Variants in USP4 observed in about 807,000 individuals in gnomAD.
The protein encoded by USP4 is ubiquitin specific peptidase 4, also known as ubiquitin carboxyl-terminal hydrolase 4.
In USP4, 72 loss-of-function variants were observed where a neutral mutation model predicts 118.2. That is an observed-to-expected ratio of 0.61 (90% CI 0.50 to 0.74). The LOEUF (loss-of-function observed/expected upper bound fraction) is 0.74, where lower values mean the gene tolerates loss of function less well. Among genes scored for constraint, USP4 ranks in the 30% least tolerant of loss-of-function variants. The pLI is 0.00. For missense variants in USP4, 1,037 were observed against 1,185.7 expected, an observed-to-expected ratio of 0.87 and a Z score of 1.84; for synonymous variants, 415 against 440.4, an observed-to-expected ratio of 0.94 and a Z score of 0.72.
intron 15 of USP4, among the ~76,000 whole-genome samples, chr3:49,288,823 G>A (rs1158928996): frequency 6.6e-6 from 1 of 151,844 alleles, no homozygotes; most frequent in African/African-American, 2.4e-5. Flanking sequence ...AATGCTTTGT[G>A]GTTATGCCGG....
intron 14 of USP4, 133 bp from the exon 15 acceptor site, chr3:49,292,731 T>C (rs1430106253): frequency 3.3e-6 from 2 of 610,860 alleles, no homozygotes; most frequent in African/African-American, 3.8e-5. Flanking sequence ...TTTATGTAAA[T>C]AGAAGTGCTT....
chr3:49,323,923 C>T (rs992694846), intron 6 of USP4, among the ~76,000 whole-genome samples: 1 of 152,134 alleles, frequency 6.6e-6, no homozygotes, highest in Non-Finnish European at 1.5e-5. Flanking sequence ...GAACAATTCA[C>T]CCAGCAAGCT....
chr3:49,318,016 A>C (rs751416215), intron 6 of USP4, among the ~76,000 whole-genome samples: 1 of 150,862 alleles, frequency 6.6e-6, no homozygotes, highest in Non-Finnish European at 1.5e-5. Context: ...TTGCATTTTT[A>C]GTAGAGACAG....
chr3:49,312,885 CTTT>C (rs906734016), intron 6 of USP4: 1 of 140,892 alleles, frequency 7.1e-6, no homozygotes, highest in South Asian at 2.3e-4. Context: ...CATTTTTTTT[CTTT>C]TTTTTTTTCT....
intron 15 of USP4, among the ~76,000 whole-genome samples, chr3:49,287,280 A>G (rs2047105247): frequency 6.6e-6 from 1 of 151,426 alleles, no homozygotes; most frequent in Admixed American, 6.6e-5. Flanking sequence ...TCAGCCTCCC[A>G]AGTAGCTGGG....
At chr3:49,280,081 G>A (rs544352951) in intron 20 of USP4, among the ~76,000 whole-genome samples, 2 of 152,210 alleles carry the variant, frequency 1.3e-5, no homozygotes, top group South Asian at 4.2e-4. Flanking sequence ...TGGGCAACAT[G>A]CCAAAACCCT....
chr3:49,301,423 G>A (rs779326179), intron 10 of USP4, among the ~76,000 whole-genome samples: 2 of 152,104 alleles, frequency 1.3e-5, no homozygotes, highest in Non-Finnish European at 2.9e-5. Context: ...CACGGTGGCT[G>A]ACGCCTGAAA....
intron 19 of USP4, among the ~76,000 whole-genome samples, chr3:49,281,405 A>G (rs1032530618): frequency 8.6e-5 from 13 of 150,986 alleles, no homozygotes; most frequent in South Asian, 2.1e-4. Context: ...GCAGTGAGCC[A>G]AGATCGCACT....
chr3:49,317,121 T>C, intron 6 of USP4: 2 of 1,373,714 alleles, frequency 1.5e-6, no homozygotes, highest in East Asian at 4.6e-5. Flanking sequence ...GGTCTGAGGC[T>C]GTAGCCTTGG....
chr3:49,292,086 C>T (rs2047157694), intron 15 of USP4, among the ~76,000 whole-genome samples: 1 of 152,018 alleles, frequency 6.6e-6, no homozygotes, highest in African/African-American at 2.4e-5. Context: ...GGATTACAGG[C>T]GTGAGCCACC....
intron 19 of USP4, 52 bp from the exon 20 acceptor site, chr3:49,280,899 T>C: frequency 6.6e-7 from 1 of 1,507,274 alleles, no homozygotes; most frequent in Non-Finnish European, 9.2e-7. Context: ...CCAAACAAAG[T>C]AGTTAAGAGT....
Position 49,325,755 on chromosome 3 carries a change from C to T in USP4, c.451G>A (p.Val151Met), listed in dbSNP as rs1417318181. 1.2e-6 allele frequency: 2 copies of T among 1,613,886 alleles called. No homozygotes were observed. The highest frequency in any genetic ancestry group is 1.7e-6 in the Non-Finnish European group (2 of 1,179,954). ...KLCENSDPTN[V>M]LSCHFSKADT... ...GCCTTGCTGAAATGGCAACTCAGCA[C>T]ATTGGTGGGGTCACTGTTCTCACAG... The change falls in exon 4 of 22, where the codon GTG becomes ATG. Residue 151 changes from valine to methionine, a missense_variant. Val to Met is a conservative substitution (Grantham distance 21). Around this residue, in one of 3 missense-constraint regions of USP4, gnomAD observed 487 missense variants for 534.1 expected, o/e 0.91. Transcript: ENST00000265560.
In USP4 at chr3:49,324,755, T is replaced by G; in HGVS notation, c.642A>C (p.Val214=). The G allele has an allele frequency of 6.2e-7, 1 of 1,614,222 alleles. No individual in the cohort carries two copies. Among genetic ancestry groups the G allele is most frequent in the Non-Finnish European group, 8.5e-7 (1 of 1,180,022 alleles). Residue 214 remains valine (V), a synonymous_variant, in exon 6 of 22, where the codon GTA becomes GTC. Coordinates refer to ENST00000265560, the MANE Select transcript of USP4 (RefSeq NM_003363.4). ...TGCCATCTTCATTTTGAGGCTCAAT[T>G]ACTAGCACCTGAGTGAAAGGGGAAA... ...DAGLYQGQVL[V]IEPQNEDGTW... is the part of the protein sequence containing the mutation.
At chr3:49,319,190 T>A (rs2047473260) in intron 6 of USP4, among the ~76,000 whole-genome samples, 1 of 152,048 alleles carries the variant, frequency 6.6e-6, no homozygotes, top group Non-Finnish European at 1.5e-5. Context: ...TGGTAGGTTT[T>A]AAAAAAGTTA....
Position 49,324,775 on chromosome 3 carries a change from G to A in USP4, c.634-12C>T, listed in dbSNP as rs772970245. The A allele has an allele frequency of 6.2e-7, 1 of 1,614,118 alleles. No individual in the cohort carries two copies. Among genetic ancestry groups the A allele is most frequent in the Non-Finnish European group, 8.5e-7 (1 of 1,179,988 alleles). ...TCAATTACTAGCACCTGAGTGAAAGGGGAAACCAAATGAGGAGAGTTCAAA... is the reference window on the plus strand; with the variant it reads ...TCAATTACTAGCACCTGAGTGAAAGAGGAAACCAAATGAGGAGAGTTCAAA... On this transcript the variant is annotated splice_polypyrimidine_tract_variant and intron_variant, in intron 5 of 21. Transcript: ENST00000265560.
intron 2 of USP4, among the ~76,000 whole-genome samples, chr3:49,328,913 C>T (rs1028200536): frequency 6.6e-6 from 1 of 151,786 alleles, no homozygotes; most frequent in African/African-American, 2.4e-5. Flanking sequence ...GGCGCAGTGG[C>T]TCACACCTGT....
At chr3:49,298,666 G>T (rs1414639524) in intron 11 of USP4, 31 bp from the exon 12 acceptor site, 2 of 1,606,348 alleles carry the variant, frequency 1.2e-6, no homozygotes, top group Non-Finnish European at 1.7e-6. Flanking sequence ...AGGTCACAGG[G>T]GTGCCCCACA....
chr3:49,324,042 A>G (rs1471553108), intron 6 of USP4, among the ~76,000 whole-genome samples: 1 of 151,950 alleles, frequency 6.6e-6, no homozygotes, highest in Non-Finnish European at 1.5e-5. Context: ...ACTGTCACCT[A>G]GGCTGGAGTA....
rs1296346547 is a variant in USP4, at chr3:49,297,859, T to C, written c.1691+11A>G. The C allele has an allele frequency of 6.2e-7, 1 of 1,609,204 alleles. No individual in the cohort carries two copies. The highest frequency in any genetic ancestry group is 1.7e-5 in the Admixed American group (1 of 59,990). ...TGACCTGACCTGCAGCAGAAACTGCTGAGTACTCACACGAAAATGTCATCC... is the reference window on the plus strand; with the variant it reads ...TGACCTGACCTGCAGCAGAAACTGCCGAGTACTCACACGAAAATGTCATCC... On this transcript the variant is annotated intron_variant, in intron 13 of 21. Transcript: ENST00000265560.
Sources: allele counts gnomAD v4.1 joint callset (sites outside exome capture counted in the v4.1 genomes callset), GRCh38; gene constraint gnomAD v4.1.1; regional missense constraint gnomAD v4.1.1; transcripts MANE v1.5; gene names NCBI Gene and HGNC (gene_info 2026-07-23, HGNC 2026-07-21).